The following KCNS3 variants were observed in gnomAD, a reference collection of about 807,000 sequenced individuals.
The protein encoded by KCNS3 is delayed-rectifier potassium channel regulatory subunit KCNS3.
KCNS3 carries 13 observed loss-of-function variants against 31.0 expected under a neutral mutation model. The ratio of observed to expected loss-of-function variants is 0.42; its 90% CI spans 0.27 to 0.67. The LOEUF is 0.67. KCNS3 is among the 30% of genes least tolerant of loss of function. KCNS3 has a pLI of 0.25. For synonymous variants in KCNS3, 238 were observed against 241.5 expected (o/e 0.99, Z 0.13); for missense variants, 545 against 622.4 (o/e 0.88, Z 1.32).
chr2:17,920,909 T>C (rs1376576565), intron 2 of KCNS3, among the ~76,000 whole-genome samples: 1 of 152,222 alleles, frequency 6.6e-6, no homozygotes, highest in East Asian at 1.9e-4. Flanking sequence ...TAAATACTCA[T>C]ATTTGAGGCA....
intron 2 of KCNS3, 75 bp downstream of exon 2, chr2:17,917,946 G>A (rs908251463): frequency 1.9e-4 from 29 of 152,676 alleles, no homozygotes; most frequent in African/African-American, 7.0e-4. Flanking sequence ...GAGCGTTACA[G>A]TGTAGTGAGA....
chr2:17,908,603 G>T (rs1662394916), intron 1 of KCNS3, among the ~76,000 whole-genome samples: 1 of 152,124 alleles, frequency 6.6e-6, no homozygotes, highest in African/African-American at 2.4e-5. Flanking sequence ...ATCTACCTTT[G>T]GTCTTTGATA....
rs530722315 is a variant in KCNS3, at chr2:17,881,467, A to G, written c.-252+2661A>G. Among the ~76,000 whole-genome samples the G allele has an allele frequency of 1.2e-4, 18 of 152,302 alleles. No homozygotes were observed. The South Asian group carries it at 3.7e-3, about 32-fold the overall frequency. On this transcript the variant is annotated intron_variant, in intron 1 of 2. Transcript: ENST00000304101. ...TCTGGGTCTTGGTCTGTTTAGCTGC[A>G]CTGACCTAGATCTCTAATATTTGTT...
chr2:17,892,149 T>G (rs1661873679), intron 1 of KCNS3, among the ~76,000 whole-genome samples: 2 of 152,118 alleles, frequency 1.3e-5, no homozygotes, highest in Non-Finnish European at 2.9e-5. Flanking sequence ...TTGTCTTTGT[T>G]GGATTGGGTT....
At chr2:17,878,019 CA>C (rs377462095), upstream of KCNS3, 1 of 152,286 alleles carries the variant, frequency 6.6e-6, no homozygotes, top group Non-Finnish European at 1.5e-5. Context: ...CTGCTTGGTG[CA>C]AATGTCCAAG....
intron 1 of KCNS3, among the ~76,000 whole-genome samples, chr2:17,883,525 G>T (rs1448650082): frequency 6.6e-6 from 1 of 152,150 alleles, no homozygotes; most frequent in Non-Finnish European, 1.5e-5. Context: ...GGAGGCACTA[G>T]TTTAGATGAG....
At chr2:17,928,151 A>G (rs1424401835) in intron 2 of KCNS3, among the ~76,000 whole-genome samples, 4 of 152,232 alleles carry the variant, frequency 2.6e-5, no homozygotes, top group Non-Finnish European at 4.4e-5. Flanking sequence ...TTGTGGACAT[A>G]TGATTGATCA....
intron 2 of KCNS3, among the ~76,000 whole-genome samples, chr2:17,923,483 G>A (rs1662768797): frequency 6.6e-6 from 1 of 151,990 alleles, no homozygotes; most frequent in African/African-American, 2.4e-5. Context: ...TTTTGATAAA[G>A]TCAATTTAAC....
chr2:17,891,990 G>A (rs1661867053), intron 1 of KCNS3, among the ~76,000 whole-genome samples: 1 of 152,010 alleles, frequency 6.6e-6, no homozygotes, highest in Admixed American at 6.6e-5. Flanking sequence ...TGGCCGGGGA[G>A]GTTTTCCTTT....
chr2:17,931,007 C>T lies in KCNS3; in HGVS notation c.-2C>T, dbSNP rs544366631. The T allele has an allele frequency of 1.9e-6, 3 of 1,612,254 alleles. No individual in the cohort carries two copies. Among genetic ancestry groups the T allele is most frequent in the Non-Finnish European group, 2.5e-6 (3 of 1,179,004 alleles). ...GCCAGCACTCTGCCTTCTGTATCCA[C>T]CATGGTGTTTGGTGAGTTTTTCCAT... On this transcript the variant is annotated 5_prime_UTR_variant, in exon 3 of 3. Coordinates refer to ENST00000304101, the MANE Select transcript of KCNS3 (RefSeq NM_002252.5). This position sits in a 1 kb window ranked among gnomAD's most constrained non-coding sequence, Gnocchi z 5.4.
intron 1 of KCNS3, among the ~76,000 whole-genome samples, chr2:17,914,258 G>T (rs138144705): frequency 6.6e-6 from 1 of 152,344 alleles, no homozygotes; most frequent in Non-Finnish European, 1.5e-5. Context: ...AGACACTTGT[G>T]TTGGCCGCAT....
chr2:17,893,251 G>A (rs1274175095), intron 1 of KCNS3, among the ~76,000 whole-genome samples: 4 of 152,144 alleles, frequency 2.6e-5, no homozygotes, highest in Non-Finnish European at 4.4e-5. Flanking sequence ...CTGAAGGGCC[G>A]GTCCCACTCC....
intron 1 of KCNS3, among the ~76,000 whole-genome samples, chr2:17,909,332 C>T (rs1414348508): frequency 6.6e-6 from 1 of 152,120 alleles, no homozygotes; most frequent in Non-Finnish European, 1.5e-5. Context: ...GTGGGAGTGA[C>T]CTGATTTTCC....
rs1663036407 is a variant in KCNS3, at chr2:17,932,840, G to A, written c.*356G>A. The A allele has an allele frequency of 5.1e-6, 1 of 196,276 alleles. No homozygotes were observed. The highest frequency in any genetic ancestry group is 5.7e-5 in the Admixed American group (1 of 17,472). 12.2% of individuals were successfully genotyped at this position (196,276 alleles called of 1,614,324 possible). The stretch of plus-strand genomic sequence containing the variant: ...ATTACTGACAAGTAGAATCAAAGGT[G>A]CAGCTGACTGAGACGACATGCATGT... On this transcript the variant is annotated 3_prime_UTR_variant, in exon 3 of 3. Transcript: ENST00000304101.
At chr2:17,929,767 GTCTA>G (rs1662914174) in intron 2 of KCNS3, among the ~76,000 whole-genome samples, 1 of 152,230 alleles carries the variant, frequency 6.6e-6, no homozygotes, top group Non-Finnish European at 1.5e-5. Flanking sequence ...GGTGGGGGAA[GTCTA>G]TGTAGTGGAG....
At chr2:17,899,036 G>C (rs1213559894) in intron 1 of KCNS3, among the ~76,000 whole-genome samples, 1 of 152,086 alleles carries the variant, frequency 6.6e-6, no homozygotes, top group East Asian at 1.9e-4. Flanking sequence ...GACCATCCCG[G>C]CCAACATGGT....
At chr2:17,924,121 T>C (rs920738471) in intron 2 of KCNS3, among the ~76,000 whole-genome samples, 3 of 151,982 alleles carry the variant, frequency 2.0e-5, no homozygotes, top group African/African-American at 7.2e-5. Context: ...TTCTGGATGC[T>C]ATTGAAAATA....
chr2:17,931,066 A>G lies in KCNS3; in HGVS notation c.58A>G (p.Asn20Asp). Reference sequence around the variant, plus strand: ...ACAAGACGAGGAACTTGTCAACCTGAATGTGGGGGGCTTTAAGCAGTCTGT... The same window carrying G: ...ACAAGACGAGGAACTTGTCAACCTGGATGTGGGGGGCTTTAAGCAGTCTGT... The part of the protein sequence containing the change: ...PGQDEELVNL[N>D]VGGFKQSVDQ... The change falls in exon 3 of 3, where the codon AAT becomes GAT. Residue 20 changes from asparagine to aspartate, a missense_variant. Transcript: ENST00000304101. This position sits in a 1 kb window ranked among gnomAD's most constrained non-coding sequence, Gnocchi z 5.4. The G allele has an allele frequency of 6.2e-7, 1 of 1,614,010 alleles. No homozygotes were observed. The highest frequency in any genetic ancestry group is 8.5e-7 in the Non-Finnish European group (1 of 1,179,988).
intron 2 of KCNS3, among the ~76,000 whole-genome samples, chr2:17,928,689 G>A (rs1340714244): frequency 2.0e-5 from 3 of 150,332 alleles, no homozygotes; most frequent in Admixed American, 1.3e-4. Context: ...TTCAGAGGAG[G>A]AATTTGTTCT....
Sources: allele counts gnomAD v4.1 joint callset (sites outside exome capture counted in the v4.1 genomes callset), GRCh38; gene constraint gnomAD v4.1.1; non-coding constraint Gnocchi (gnomAD v3.1); transcripts MANE v1.5; gene names NCBI Gene and HGNC (gene_info 2026-07-23, HGNC 2026-07-21).